The following LRRC37A2 variants were observed in gnomAD, a reference collection of about 807,000 sequenced individuals.
LRRC37A2 encodes the protein leucine rich repeat containing 37 member A2.
LRRC37A2 carries 9 observed loss-of-function variants against 68.8 expected under a neutral mutation model. The ratio of observed to expected loss-of-function variants is 0.13; its 90% CI spans 0.08 to 0.23. LRRC37A2 has a LOEUF of 0.23. Ranked by LOEUF, LRRC37A2 falls within the 10% of genes least tolerant of loss-of-function variation. The pLI, the probability that LRRC37A2 is intolerant of heterozygous loss-of-function variation, is 1.00. For synonymous variants in LRRC37A2, 63 were observed against 367.6 expected (o/e 0.17, Z 9.48); for missense variants, 168 against 950.4 (o/e 0.18, Z 10.82).
the LRRC37A2 span, among the ~76,000 whole-genome samples, chr17:47,031,137 G>T: frequency 6.7e-6 from 1 of 149,352 alleles, no homozygotes; most frequent in African/African-American, 2.5e-5. Flanking sequence ...AATACTGACT[G>T]GCCAAATTAG....
At chr17:46,770,028 C>T in the LRRC37A2 span, 1 of 1,565,334 alleles carries the variant, frequency 6.4e-7, no homozygotes, top group Non-Finnish European at 8.7e-7. Flanking sequence ...ATGGCGTGAA[C>T]GAAGGCCGAC....
At chr17:46,816,814 CAG>C in the LRRC37A2 span, among the ~76,000 whole-genome samples, 1 of 152,174 alleles carries the variant, frequency 6.6e-6, no homozygotes, top group Non-Finnish European at 1.5e-5. Context: ...CCCAACCCAC[CAG>C]AGTCTCTGCG....
chr17:46,824,542 C>T, the LRRC37A2 span, among the ~76,000 whole-genome samples: 2 of 152,368 alleles, frequency 1.3e-5, no homozygotes, highest in Admixed American at 6.5e-5. Context: ...AGCCCCCATG[C>T]CCGGCTGATT....
At chr17:47,002,385 T>TA in the LRRC37A2 span, among the ~76,000 whole-genome samples, 7 of 15,536 alleles carry the variant, frequency 4.5e-4, no homozygotes, top group Non-Finnish European at 6.9e-4. Flanking sequence ...TATTTTTATT[T>TA]TTATTTTTTT....
chr17:46,932,010 C>G, the LRRC37A2 span: 1 of 1,561,618 alleles, frequency 6.4e-7, no homozygotes, highest in South Asian at 1.1e-5. Flanking sequence ...GCCTGGCCCC[C>G]TCAGATTCTG....
the LRRC37A2 span, among the ~76,000 whole-genome samples, chr17:46,741,484 C>T: frequency 6.6e-6 from 1 of 152,054 alleles, no homozygotes; most frequent in Non-Finnish European, 1.5e-5. Flanking sequence ...GAATTTGCTT[C>T]AGGGTAAAAT....
chr17:46,964,617 C>T, the LRRC37A2 span: 1 of 152,356 alleles, frequency 6.6e-6, no homozygotes, highest in South Asian at 2.1e-4. Flanking sequence ...AGTCCAGCCT[C>T]CTCGATTTGG....
At chr17:47,019,178 A>G in the LRRC37A2 span, 1 of 1,375,418 alleles carries the variant, frequency 7.3e-7, no homozygotes, top group African/African-American at 1.5e-5. Flanking sequence ...CTCGAGCCAC[A>G]GTTCAACCTT....
the LRRC37A2 span, chr17:47,019,912 T>A: frequency 1.4e-6 from 1 of 720,246 alleles, no homozygotes; most frequent in East Asian, 2.5e-5. Context: ...GACAACTGAC[T>A]TTCTGCTTTC....
At chr17:46,788,754 C>T in the LRRC37A2 span, among the ~76,000 whole-genome samples, 1 of 152,148 alleles carries the variant, frequency 6.6e-6, no homozygotes, top group African/African-American at 2.4e-5. Flanking sequence ...GACCTCCCTG[C>T]GAGGACCTCC....
At chr17:47,017,130 G>T in the LRRC37A2 span, 1 of 1,599,924 alleles carries the variant, frequency 6.3e-7, no homozygotes, top group South Asian at 1.1e-5. Context: ...ATAAATACAG[G>T]TGTCATAAAG....
the LRRC37A2 span, among the ~76,000 whole-genome samples, chr17:46,497,735 T>C: frequency 2.2e-4 from 22 of 101,420 alleles, no homozygotes; most frequent in Admixed American, 5.7e-4. Flanking sequence ...TTGAAAGATA[T>C]ATATCTACAT....
At chr17:46,850,056 G>C in the LRRC37A2 span, among the ~76,000 whole-genome samples, 1 of 152,092 alleles carries the variant, frequency 6.6e-6, no homozygotes, top group African/African-American at 2.4e-5. Context: ...TGCCATGTTG[G>C]CCAGGCTGGT....
chr17:46,502,102 C>T, the LRRC37A2 span, among the ~76,000 whole-genome samples: 461 of 151,274 alleles, frequency 3.0e-3, 28 homozygotes, highest in African/African-American at 8.9e-3. Flanking sequence ...GTTTTTAGTG[C>T]GCTTTGGACC....
At chr17:46,876,190 C>A in the LRRC37A2 span, 1 of 1,502,060 alleles carries the variant, frequency 6.7e-7, no homozygotes, top group Non-Finnish European at 9.0e-7. Context: ...TGGGGGCAGG[C>A]TCTGGCTGCT....
chr17:46,908,721 T>C, the LRRC37A2 span, among the ~76,000 whole-genome samples: 1 of 152,136 alleles, frequency 6.6e-6, no homozygotes, highest in African/African-American at 2.4e-5. Context: ...ACCTGCACCT[T>C]CCGGAGACTC....
At chr17:47,027,619 T>C in the LRRC37A2 span, 922 of 1,255,644 alleles carry the variant, frequency 7.3e-4, no homozygotes, top group Non-Finnish European at 9.6e-4. Flanking sequence ...CTACCATTTT[T>C]GAAGTTTATG....
At chr17:46,879,010 C>G in the LRRC37A2 span, among the ~76,000 whole-genome samples, 2 of 152,174 alleles carry the variant, frequency 1.3e-5, no homozygotes, top group Admixed American at 6.5e-5. Flanking sequence ...CTTGGGGCCC[C>G]TGGGGACTAG....
the LRRC37A2 span, among the ~76,000 whole-genome samples, chr17:46,915,039 A>G: frequency 1.3e-5 from 2 of 152,234 alleles, no homozygotes; most frequent in South Asian, 4.1e-4. Context: ...CTATTGCTGC[A>G]TAACAAACTA....
Sources: allele counts gnomAD v4.1 joint callset (sites outside exome capture counted in the v4.1 genomes callset), GRCh38; gene constraint gnomAD v4.1.1; transcripts MANE v1.5; gene names NCBI Gene and HGNC (gene_info 2026-07-23, HGNC 2026-07-21).